AGTPBP1: variants seen among roughly 807,000 people sequenced by gnomAD.
The protein encoded by AGTPBP1 is ATP/GTP binding carboxypeptidase 1, also known as cytosolic carboxypeptidase 1.
AGTPBP1 carries 70 observed loss-of-function variants against 143.9 expected under a neutral mutation model. That is an observed-to-expected ratio of 0.49 (90% CI 0.40 to 0.59). AGTPBP1 has a LOEUF of 0.59. Ranked by LOEUF, AGTPBP1 falls within the 20% of genes least tolerant of loss-of-function variation. The pLI is 0.00. For missense variants in AGTPBP1, 1,229 were observed against 1,464.5 expected (o/e 0.84, Z 2.62); for synonymous variants, 463 against 500.2 (o/e 0.93, Z 0.99).
intron 6 of AGTPBP1, among the ~76,000 whole-genome samples, chr9:85,675,053 T>C (rs1237433332): frequency 6.6e-6 from 1 of 152,006 alleles, no homozygotes; most frequent in Non-Finnish European, 1.5e-5. Flanking sequence ...GGCGCCACCA[T>C]GCCTGGCTAA....
intron 1 of AGTPBP1, among the ~76,000 whole-genome samples, chr9:85,719,490 T>A (rs1837957285): frequency 6.6e-6 from 1 of 152,212 alleles, no homozygotes; most frequent in Admixed American, 6.5e-5. Context: ...GGAATGCTTG[T>A]GATTTTTGCA....
At chr9:85,756,840 C>T in the AGTPBP1 span, among the ~76,000 whole-genome samples, 1 of 152,094 alleles carries the variant, frequency 6.6e-6, no homozygotes, top group African/African-American at 2.4e-5. Flanking sequence ...AGAAACCAGT[C>T]ACAAAAGACC....
chr9:85,767,180 C>CTTTTTTT, the AGTPBP1 span, among the ~76,000 whole-genome samples: 9 of 116,448 alleles, frequency 7.7e-5, no homozygotes, highest in East Asian at 2.3e-4. Context: ...TGAGAACATA[C>CTTTTTTT]TTTTTTTTTT....
intron 8 of AGTPBP1, among the ~76,000 whole-genome samples, chr9:85,668,296 T>G (rs1041384323): frequency 2.0e-5 from 3 of 151,940 alleles, no homozygotes; most frequent in Non-Finnish European, 4.4e-5. Flanking sequence ...GGGGCTATTT[T>G]GAGACAACTG....
At chr9:85,567,569 G>A (rs1406760431) in intron 25 of AGTPBP1, among the ~76,000 whole-genome samples, 3 of 152,100 alleles carry the variant, frequency 2.0e-5, no homozygotes, top group East Asian at 1.9e-4. Context: ...TCAAGTATGG[G>A]TGACACAATG....
intron 17 of AGTPBP1, among the ~76,000 whole-genome samples, chr9:85,611,953 T>TA (rs1371641430): frequency 6.6e-6 from 1 of 152,176 alleles, no homozygotes; most frequent in African/African-American, 2.4e-5. Flanking sequence ...GTGCTGGGAT[T>TA]ACAGGCATAA....
Position 85,601,917 on chromosome 9 carries a change from G to C in AGTPBP1, c.2336-5468C>G, listed in dbSNP as rs568732080. On this transcript the variant is annotated intron_variant, in intron 17 of 25. Transcript: ENST00000357081. ...CCCTAAGCCAGTGAAGAAATTACAGGGGCCACATTACTGCATCCACCCAGA... is the reference window on the plus strand; with the variant it reads ...CCCTAAGCCAGTGAAGAAATTACAGCGGCCACATTACTGCATCCACCCAGA... 2.6e-5 allele frequency among the ~76,000 whole-genome samples: 4 copies of C among 152,074 alleles called. No homozygotes were observed. In the South Asian group the frequency reaches 8.3e-4, roughly 32 times the overall value.
At chr9:85,711,233 T>C (rs1020606394) in intron 2 of AGTPBP1, among the ~76,000 whole-genome samples, 1 of 152,158 alleles carries the variant, frequency 6.6e-6, no homozygotes, top group African/African-American at 2.4e-5. Context: ...AAAGTAATTG[T>C]TCAGATGAGA....
chr9:85,741,720 G>T, intron 1 of AGTPBP1, 55 bp downstream of exon 1: 1 of 1,272,608 alleles, frequency 7.9e-7, no homozygotes, highest in South Asian at 2.6e-5. Flanking sequence ...CCCGCGGCCC[G>T]GGGAGAGCAG....
chr9:85,632,699 T>C lies in AGTPBP1; in HGVS notation c.1978A>G (p.Lys660Glu). ...DYFGHIPPPF[K>E]EPILERPYGV... Reference sequence around the variant, plus strand: ...TAAGGCCTTTCTAAAATAGGCTCTTTGAATGGAGGCGGAATGTGACCAAAA... The same window carrying C: ...TAAGGCCTTTCTAAAATAGGCTCTTCGAATGGAGGCGGAATGTGACCAAAA... The change falls in exon 14 of 26, where the codon AAA (lysine) becomes GAA (glutamate). Residue 660 changes from lysine (K) to glutamate (E), a missense_variant. Transcript: ENST00000357081. 6.2e-7 allele frequency: 1 copy of C among 1,613,026 alleles called. No individual in the cohort carries two copies.
intron 3 of AGTPBP1, among the ~76,000 whole-genome samples, chr9:85,691,613 T>A (rs1165395656): frequency 6.6e-6 from 1 of 151,718 alleles, no homozygotes; most frequent in African/African-American, 2.4e-5. Context: ...CTTTTTACTA[T>A]CTATTAAGGT....
chr9:85,709,958 G>T (rs1196180597), intron 2 of AGTPBP1, among the ~76,000 whole-genome samples: 1 of 152,000 alleles, frequency 6.6e-6, no homozygotes, highest in Non-Finnish European at 1.5e-5. Context: ...TTTAAATTCA[G>T]CAATTCTGAA....
intron 5 of AGTPBP1, among the ~76,000 whole-genome samples, chr9:85,677,953 G>A (rs904263006): frequency 1.6e-4 from 25 of 152,204 alleles, no homozygotes; most frequent in African/African-American, 6.0e-4. Context: ...GCAGTGGGCA[G>A]AGATCATACC....
At chr9:85,674,834 A>G (rs1457165411) in intron 6 of AGTPBP1, among the ~76,000 whole-genome samples, 3 of 152,224 alleles carry the variant, frequency 2.0e-5, no homozygotes, top group African/African-American at 7.2e-5. Flanking sequence ...ATTTTTTCCA[A>G]TAAGCATTTT....
intron 14 of AGTPBP1, among the ~76,000 whole-genome samples, chr9:85,629,774 T>C (rs1228135716): frequency 6.6e-6 from 1 of 152,224 alleles, no homozygotes; most frequent in Non-Finnish European, 1.5e-5. Context: ...GAAGCACTGC[T>C]TGGGAGGGAT....
intron 2 of AGTPBP1, among the ~76,000 whole-genome samples, chr9:85,693,769 G>A (rs1411774185): frequency 6.6e-6 from 1 of 152,110 alleles, no homozygotes; most frequent in African/African-American, 2.4e-5. Flanking sequence ...GAAGTACTAT[G>A]GAGAAAAAGC....
At chr9:85,723,808 TCATC>T (rs1206397583) in intron 1 of AGTPBP1, among the ~76,000 whole-genome samples, 4 of 152,116 alleles carry the variant, frequency 2.6e-5, no homozygotes, top group Non-Finnish European at 4.4e-5. Context: ...TCCTATTTGG[TCATC>T]TTGGAAGCCT....
rs145381955 is a variant in AGTPBP1, at chr9:85,688,161, G to A, written c.157+4528C>T. ...ATATTAAACTCAAAACAAGCAGAAA[G>A]AAGAAAGCAATAAATAAAAGAAGGA... On this transcript the variant is annotated intron_variant, in intron 3 of 25. Coordinates refer to ENST00000357081, the MANE Select transcript of AGTPBP1 (RefSeq NM_001330701.2). Among the ~76,000 whole-genome samples, 387 of 95,224 alleles carry A rather than the reference G, an allele frequency of 4.1e-3. 4 individuals carry two copies. The highest frequency in any genetic ancestry group is 4.8e-3 in the Non-Finnish European group (209 of 43,672). 62.5% of individuals were successfully genotyped at this position (95,224 alleles called of 152,430 possible).
intron 17 of AGTPBP1, among the ~76,000 whole-genome samples, chr9:85,613,006 G>A (rs1369707811): frequency 6.6e-6 from 1 of 151,850 alleles, no homozygotes; most frequent in Non-Finnish European, 1.5e-5. Context: ...AAAAATTACT[G>A]CAAATCATAA....
Sources: gnomAD v4.1 joint callset for allele counts (sites outside exome capture counted in the v4.1 genomes callset) on GRCh38, gnomAD v4.1.1 for gene constraint, MANE v1.5 for transcripts, NCBI Gene and HGNC (gene_info 2026-07-23, HGNC 2026-07-21) for gene names.